Variants in TTLL4 observed in about 807,000 individuals in gnomAD.
The protein encoded by TTLL4 is tubulin monoglutamylase TTLL4.
In TTLL4, 85 loss-of-function variants were observed where a neutral mutation model predicts 122.7. That is an observed-to-expected ratio of 0.69 (90% CI 0.58 to 0.83). TTLL4 has a LOEUF of 0.83. Ranked by LOEUF, TTLL4 falls within the 40% of genes least tolerant of loss-of-function variation. The pLI is 0.00. For synonymous variants in TTLL4, 553 were observed against 563.0 expected (o/e 0.98, Z 0.25); for missense variants, 1,363 against 1,488.6 (o/e 0.92, Z 1.39).
At chr2:218,742,138 T>A (rs1297245579) in intron 5 of TTLL4, among the ~76,000 whole-genome samples, 1 of 151,948 alleles carries the variant, frequency 6.6e-6, no homozygotes, top group Non-Finnish European at 1.5e-5. Context: ...TAAAAAAAAT[T>A]TTTTTTGTAG....
rs967941972 is a variant in TTLL4, at chr2:218,747,488, G to C, written c.2250-109G>C. The C allele has an allele frequency of 1.3e-6, 2 of 1,570,524 alleles. No homozygotes were observed. Among genetic ancestry groups the C allele is most frequent in the Admixed American group, 1.8e-5 (1 of 56,236 alleles). On this transcript the variant is annotated intron_variant, in intron 10 of 19. Transcript: ENST00000392102. The surrounding 1 kb of genome is among the most constrained non-coding windows in gnomAD (Gnocchi z 4.7). ...AGCCAAAGAGCTTCCTTAGCCAACTGTTCTAAGGTCTTTATCTTGGGGACT... is the reference window on the plus strand; with the variant it reads ...AGCCAAAGAGCTTCCTTAGCCAACTCTTCTAAGGTCTTTATCTTGGGGACT...
intron 18 of TTLL4, 121 bp from the exon 19 acceptor site, chr2:218,753,463 G>C (rs1943078660): frequency 9.7e-7 from 1 of 1,031,282 alleles, no homozygotes; most frequent in East Asian, 2.4e-5. Context: ...ATGCCTGAGG[G>C]GTAGGGAAGG....
chr2:218,722,515 A>G (rs1942075729), intron 1 of TTLL4, among the ~76,000 whole-genome samples: 1 of 152,186 alleles, frequency 6.6e-6, no homozygotes, highest in Non-Finnish European at 1.5e-5. Context: ...TTTTAGTTGA[A>G]TACTGAGTGA....
At chr2:218,724,967 A>G (rs917589306) in intron 1 of TTLL4, among the ~76,000 whole-genome samples, 3 of 152,016 alleles carry the variant, frequency 2.0e-5, no homozygotes, top group Admixed American at 6.6e-5. Context: ...TGGCGTGATC[A>G]TGGCTCACTG....
At chr2:218,722,943 G>C (rs939303559) in intron 1 of TTLL4, among the ~76,000 whole-genome samples, 1 of 152,230 alleles carries the variant, frequency 6.6e-6, no homozygotes. Flanking sequence ...GAGTTTCTGT[G>C]TTGTATGGAG....
At position 218,726,659 on chromosome 2, in the gene TTLL4, G is replaced by A. The variant is rs527844264; in HGVS notation, c.-177-610G>A. On this transcript the variant is annotated intron_variant, in intron 1 of 19. Coordinates refer to ENST00000392102, the MANE Select transcript of TTLL4 (RefSeq NM_014640.5). ...TTTTTCTGGTTTTAGTAGAAATGGG[G>A]TTTCACTGTCTTGGCCAGGCTGGTC... Among the ~76,000 whole-genome samples the A allele has an allele frequency of 6.8e-4, 104 of 152,148 alleles. 1 individual carries two copies. The highest frequency in any genetic ancestry group is 2.4e-3 in the African/African-American group (101 of 41,496).
intron 1 of TTLL4, among the ~76,000 whole-genome samples, chr2:218,722,356 C>CT (rs11380889): frequency 0.49 from 71,521 of 146,942 alleles, 17,579 homozygotes; most frequent in African/African-American, 0.56. Flanking sequence ...CTTTGTTCAT[C>CT]TTTTTTTTTT....
intron 2 of TTLL4, among the ~76,000 whole-genome samples, chr2:218,728,685 G>T (rs777357219): frequency 3.3e-5 from 5 of 152,214 alleles, no homozygotes; most frequent in Non-Finnish European, 2.9e-5. Context: ...TGGGAAGGCT[G>T]ACTAGGGATT....
intron 2 of TTLL4, among the ~76,000 whole-genome samples, chr2:218,729,082 A>G (rs1942280775): frequency 6.6e-6 from 1 of 151,808 alleles, no homozygotes; most frequent in Non-Finnish European, 1.5e-5. Context: ...ATGGATGCCC[A>G]CCACCATGCC....
intron 13 of TTLL4, 46 bp downstream of exon 13, chr2:218,748,980 C>T (rs752932443): frequency 4.5e-6 from 7 of 1,571,740 alleles, no homozygotes; most frequent in South Asian, 3.4e-5. Context: ...TGCTGACCCC[C>T]TCCTTTCTCC....
intron 5 of TTLL4, among the ~76,000 whole-genome samples, chr2:218,743,245 A>G (rs1201955648): frequency 2.0e-5 from 3 of 152,108 alleles, no homozygotes; most frequent in African/African-American, 7.2e-5. Context: ...GGCAACCACT[A>G]GTTCTCCTTT....
At chr2:218,717,447 A>G (rs1183208876) in intron 1 of TTLL4, among the ~76,000 whole-genome samples, 1 of 152,028 alleles carries the variant, frequency 6.6e-6, no homozygotes, top group Non-Finnish European at 1.5e-5. Context: ...GAGTCACCCC[A>G]TTACATAAAC....
At chr2:218,739,673 T>A (rs2106436925) in intron 3 of TTLL4, among the ~76,000 whole-genome samples, 1 of 152,356 alleles carries the variant, frequency 6.6e-6, no homozygotes, top group Non-Finnish European at 1.5e-5. Context: ...GCTCCTTCTG[T>A]TGTGTTTTGT....
chr2:218,752,597 A>G (rs1250967825), intron 16 of TTLL4, among the ~76,000 whole-genome samples, 166 bp from the exon 17 acceptor site: 11 of 152,182 alleles, frequency 7.2e-5, no homozygotes, highest in Admixed American at 7.2e-4. Flanking sequence ...AGACTTAGGA[A>G]CAGATGTCTT....
At chr2:218,732,163 TTAAG>T (rs1170125573) in intron 2 of TTLL4, among the ~76,000 whole-genome samples, 1 of 152,238 alleles carries the variant, frequency 6.6e-6, no homozygotes, top group Non-Finnish European at 1.5e-5. Flanking sequence ...TGAGCTATCT[TTAAG>T]TAGTATAAAT....
At chr2:218,719,808 G>C (rs536537163) in intron 1 of TTLL4, among the ~76,000 whole-genome samples, 1 of 152,322 alleles carries the variant, frequency 6.6e-6, no homozygotes, top group Admixed American at 6.5e-5. Context: ...AAAAGGGATT[G>C]ACCTGATGAA....
At chr2:218,726,403 T>G (rs1942194837) in intron 1 of TTLL4, among the ~76,000 whole-genome samples, 1 of 152,224 alleles carries the variant, frequency 6.6e-6, no homozygotes. Flanking sequence ...ATCTGTTTGG[T>G]GTTCCCTGAT....
intron 1 of TTLL4, among the ~76,000 whole-genome samples, chr2:218,711,764 A>G (rs1347284960): frequency 6.6e-6 from 1 of 151,794 alleles, no homozygotes; most frequent in African/African-American, 2.4e-5. Context: ...ACTTACTTAG[A>G]AAACGACATT....
chr2:218,716,774 C>G (rs1429470221), intron 1 of TTLL4, among the ~76,000 whole-genome samples: 1 of 151,876 alleles, frequency 6.6e-6, no homozygotes, highest in African/African-American at 2.4e-5. Flanking sequence ...GGCGACAGAG[C>G]GAGACTCTGT....
Sources: allele counts gnomAD v4.1 joint callset (sites outside exome capture counted in the v4.1 genomes callset), GRCh38; gene constraint gnomAD v4.1.1; non-coding constraint Gnocchi (gnomAD v3.1); transcripts MANE v1.5; gene names NCBI Gene and HGNC (gene_info 2026-07-23, HGNC 2026-07-21).